The following RALYL variants were observed in gnomAD, a reference collection of about 807,000 sequenced individuals.
RALYL encodes the protein RALY RNA binding protein like, also known as RNA-binding Raly-like protein.
In RALYL, 29 loss-of-function variants were observed where a neutral mutation model predicts 35.1. The observed-to-expected ratio is 0.83, with a 90% CI of 0.61 to 1.13. RALYL has a LOEUF of 1.13. RALYL is among the 50% of genes most tolerant of loss of function. RALYL has a pLI of 0.00. For missense variants in RALYL, 359 were observed against 360.4 expected, an observed-to-expected ratio of 1.00 and a Z score of 0.03; for synonymous variants, 120 against 127.6, an observed-to-expected ratio of 0.94 and a Z score of 0.40.
At chr8:84,462,773 A>G (rs1162358878) in intron 1 of RALYL, among the ~76,000 whole-genome samples, 1 of 151,672 alleles carries the variant, frequency 6.6e-6, no homozygotes, top group African/African-American at 2.4e-5. Context: ...CCTCCAAACT[A>G]TCCCACACTT....
rs560476945 is a variant in RALYL, at chr8:84,424,076, C to A, written c.-23-105223C>A. On this transcript the variant is annotated intron_variant, in intron 1 of 8. Coordinates refer to ENST00000521268, the MANE Select transcript of RALYL (RefSeq NM_173848.7). ...TATCTTTGTGGCGTTCTCTCTATTT[C>A]CTGAATCTGAACATTGGCCTGCCTT... Among the ~76,000 whole-genome samples the A allele has an allele frequency of 9.6e-3, 1,467 of 152,040 alleles. 22 individuals carry two copies. Among genetic ancestry groups the A allele is most frequent in the African/African-American group, 0.033 (1,361 of 41,442 alleles).
intron 1 of RALYL, among the ~76,000 whole-genome samples, chr8:84,243,482 G>A (rs1015674857): frequency 8.6e-6 from 1 of 116,898 alleles, no homozygotes; most frequent in Admixed American, 8.3e-5. Flanking sequence ...TTTTCCGTTT[G>A]TTTCTGTTCT....
intron 2 of RALYL, among the ~76,000 whole-genome samples, chr8:84,641,279 A>G (rs557492906): frequency 1.3e-5 from 2 of 151,794 alleles, no homozygotes; most frequent in African/African-American, 4.8e-5. Context: ...TTAACATAAG[A>G]ATACAACTTA....
intron 1 of RALYL, among the ~76,000 whole-genome samples, chr8:84,280,961 T>G (rs1286733864): frequency 6.6e-6 from 1 of 152,150 alleles, no homozygotes; most frequent in African/African-American, 2.4e-5. Flanking sequence ...TCTGTGATGT[T>G]GTGAGCCTGT....
intron 2 of RALYL, among the ~76,000 whole-genome samples, chr8:84,643,484 G>A (rs1826829851): frequency 6.6e-6 from 1 of 152,034 alleles, no homozygotes; most frequent in Non-Finnish European, 1.5e-5. Context: ...CAAGACAAAA[G>A]CATCTTGGCA....
intron 2 of RALYL, among the ~76,000 whole-genome samples, chr8:84,579,203 G>T (rs998433727): frequency 2.6e-5 from 4 of 152,184 alleles, no homozygotes; most frequent in Non-Finnish European, 5.9e-5. Context: ...AGTCTTGTTG[G>T]CACCACCCCA....
intron 1 of RALYL, among the ~76,000 whole-genome samples, chr8:84,437,695 T>G (rs1472296922): frequency 6.6e-6 from 1 of 152,104 alleles, no homozygotes; most frequent in Non-Finnish European, 1.5e-5. Context: ...GGGAGGTGTT[T>G]AGATCATGAA....
At chr8:84,321,792 A>T (rs983453110) in intron 1 of RALYL, among the ~76,000 whole-genome samples, 1 of 152,150 alleles carries the variant, frequency 6.6e-6, no homozygotes, top group Non-Finnish European at 1.5e-5. Context: ...ATAATAAATT[A>T]CAGCTGAAAG....
intron 4 of RALYL, among the ~76,000 whole-genome samples, chr8:84,845,401 T>C (rs929434577): frequency 2.0e-5 from 3 of 152,228 alleles, no homozygotes; most frequent in Non-Finnish European, 4.4e-5. Context: ...GATTGTGGTT[T>C]TGATTTGCAT....
chr8:84,261,107 GT>G (rs1424966634), intron 1 of RALYL, among the ~76,000 whole-genome samples: 14 of 148,500 alleles, frequency 9.4e-5, no homozygotes, highest in Admixed American at 5.4e-4. Flanking sequence ...TTATTTACAG[GT>G]TTTTTTTTTT....
chr8:84,530,173 A>C (rs1484860882), intron 2 of RALYL, among the ~76,000 whole-genome samples: 3 of 152,194 alleles, frequency 2.0e-5, no homozygotes, highest in Non-Finnish European at 4.4e-5. Context: ...AAAACAATGC[A>C]GTCTGAAATA....
intron 1 of RALYL, among the ~76,000 whole-genome samples, chr8:84,423,404 A>G (rs1181080766): frequency 6.6e-6 from 1 of 150,626 alleles, no homozygotes; most frequent in Non-Finnish European, 1.5e-5. Flanking sequence ...TTTGCTTGGT[A>G]GATCTTCCTC....
intron 1 of RALYL, among the ~76,000 whole-genome samples, chr8:84,357,819 T>C (rs1211986117): frequency 7.3e-6 from 1 of 137,852 alleles, no homozygotes; most frequent in Non-Finnish European, 1.6e-5. Context: ...TATTTGCTCA[T>C]TAAAAATCAA....
intron 2 of RALYL, among the ~76,000 whole-genome samples, chr8:84,612,240 C>A (rs113050678): frequency 2.0e-5 from 3 of 151,686 alleles, no homozygotes; most frequent in Non-Finnish European, 2.9e-5. Context: ...TTAAAAAATG[C>A]TATTTGTTAA....
intron 1 of RALYL, among the ~76,000 whole-genome samples, chr8:84,493,087 G>T (rs2055535455): frequency 6.6e-6 from 1 of 151,998 alleles, no homozygotes. Context: ...CCTGCTGACA[G>T]GTCTGGTATG....
intron 2 of RALYL, among the ~76,000 whole-genome samples, chr8:84,539,860 ATATATATATATATATATGTATATATATG>A (rs1184229222): frequency 4.0e-5 from 3 of 74,268 alleles, no homozygotes; most frequent in African/African-American, 1.1e-4. Context: ...ATATGTATAT[ATATATATATATATATATGTATATATATG>A]TGTGTGTGTG....
At chr8:84,412,057 T>C (rs1216398226) in intron 1 of RALYL, among the ~76,000 whole-genome samples, 1 of 152,008 alleles carries the variant, frequency 6.6e-6, no homozygotes, top group African/African-American at 2.4e-5. Flanking sequence ...CTAGCTGTTA[T>C]TAATTTTCAC....
At chr8:84,797,330 G>A (rs1822175456) in intron 3 of RALYL, among the ~76,000 whole-genome samples, 1 of 152,224 alleles carries the variant, frequency 6.6e-6, no homozygotes, top group Non-Finnish European at 1.5e-5. Flanking sequence ...TTCAACGTGA[G>A]TTTTAGAGAG....
At position 84,567,674 on chromosome 8, in the gene RALYL, G is replaced by A. The variant is rs539052535; in HGVS notation, c.256+38097G>A. ...TGCTGTGATAAATATACGAGTGAAC[G>A]TTGTTTTTTTTTTTTTATAATGATT... On this transcript the variant is annotated intron_variant, in intron 2 of 8. Transcript: ENST00000521268. Among the ~76,000 whole-genome samples, 22 of 149,240 alleles carry A rather than the reference G, an allele frequency of 1.5e-4. No individual in the cohort carries two copies. The East Asian group carries it at 3.2e-3, about 22-fold the overall frequency.
Sources: gnomAD v4.1 joint callset for allele counts (sites outside exome capture counted in the v4.1 genomes callset) on GRCh38, gnomAD v4.1.1 for gene constraint, MANE v1.5 for transcripts, NCBI Gene and HGNC (gene_info 2026-07-23, HGNC 2026-07-21) for gene names.